Variants in PTPRD observed in about 807,000 individuals in gnomAD.
The protein encoded by PTPRD is protein tyrosine phosphatase receptor type D.
A neutral mutation model predicts 214.5 loss-of-function variants in PTPRD; 34 were observed. That is an observed-to-expected ratio of 0.16 (90% CI 0.12 to 0.21). The LOEUF is 0.21. Among genes scored for constraint, PTPRD ranks in the 10% least tolerant of loss-of-function variants. PTPRD has a pLI of 1.00. For synonymous variants in PTPRD, 1,128 were observed against 845.7 expected (o/e 1.33, Z -5.79); for missense variants, 2,545 against 2,398.7 (o/e 1.06, Z -1.27).
intron 43 of PTPRD, among the ~76,000 whole-genome samples, chr9:8,336,881 A>C (rs1167453144): frequency 6.6e-6 from 1 of 152,222 alleles, no homozygotes; most frequent in Admixed American, 6.5e-5. Flanking sequence ...AGAAATGCAA[A>C]TCAAAACCAC....
intron 10 of PTPRD, among the ~76,000 whole-genome samples, chr9:9,134,222 G>A (rs1239277387): frequency 2.7e-5 from 4 of 147,880 alleles, no homozygotes; most frequent in Non-Finnish European, 4.4e-5. Flanking sequence ...ACAGGTGCCC[G>A]CCACCACGCC....
At chr9:8,432,861 T>C (rs1453639045) in intron 35 of PTPRD, among the ~76,000 whole-genome samples, 1 of 152,210 alleles carries the variant, frequency 6.6e-6, no homozygotes, top group Non-Finnish European at 1.5e-5. Context: ...GTGAAGAGTC[T>C]ATGTGGGCTA....
intron 10 of PTPRD, among the ~76,000 whole-genome samples, chr9:9,102,813 CTT>C (rs2099793170): frequency 6.6e-6 from 1 of 152,016 alleles, no homozygotes; most frequent in Non-Finnish European, 1.5e-5. Context: ...AAACATGACA[CTT>C]GGGAAAAAAT....
intron 9 of PTPRD, among the ~76,000 whole-genome samples, chr9:9,394,549 T>C (rs1266396469): frequency 2.0e-5 from 3 of 152,138 alleles, no homozygotes; most frequent in African/African-American, 7.2e-5. Flanking sequence ...TGCCCCAGTT[T>C]TCTTATATGT....
chr9:8,647,789 T>C (rs930475152), intron 12 of PTPRD, among the ~76,000 whole-genome samples: 2 of 152,252 alleles, frequency 1.3e-5, no homozygotes, highest in African/African-American at 4.8e-5. Context: ...AGCTATAACT[T>C]AATACTTTAT....
At chr9:10,314,039 T>G (rs796770154) in intron 3 of PTPRD, among the ~76,000 whole-genome samples, 4 of 152,054 alleles carry the variant, frequency 2.6e-5, no homozygotes, top group African/African-American at 9.6e-5. Context: ...TAACAGAAGC[T>G]TATAAGTGAG....
At chr9:9,804,610 A>G (rs1264505803) in intron 5 of PTPRD, among the ~76,000 whole-genome samples, 2 of 152,062 alleles carry the variant, frequency 1.3e-5, no homozygotes, top group African/African-American at 4.8e-5. Flanking sequence ...ATAAATTTTT[A>G]CTGAATTCAT....
At chr9:8,794,134 CT>C (rs1162268936) in intron 11 of PTPRD, among the ~76,000 whole-genome samples, 3 of 126,962 alleles carry the variant, frequency 2.4e-5, no homozygotes, top group African/African-American at 8.4e-5. Flanking sequence ...TTTTTTCCCC[CT>C]GTATTTGTGG....
At chr9:10,174,207 A>G (rs906758450) in intron 3 of PTPRD, among the ~76,000 whole-genome samples, 13 of 152,288 alleles carry the variant, frequency 8.5e-5, no homozygotes, top group African/African-American at 1.4e-4. Flanking sequence ...TTTGATCCCA[A>G]TGTTGGAGGT....
intron 8 of PTPRD, among the ~76,000 whole-genome samples, chr9:9,555,342 G>A (rs2081264601): frequency 6.6e-6 from 1 of 151,952 alleles, no homozygotes; most frequent in South Asian, 2.1e-4. Flanking sequence ...GTCACCTGTT[G>A]AGCAACATCA....
At position 10,094,586 on chromosome 9, in the gene PTPRD, A is replaced by T. The variant is rs141985484; in HGVS notation, c.-544-60796T>A. On this transcript the variant is annotated intron_variant, in intron 3 of 45. Coordinates refer to ENST00000381196, the MANE Select transcript of PTPRD (RefSeq NM_002839.4). Reference sequence around the variant, plus strand: ...ATGGGGCAGAGTAACTGTTCAGAGAAACCCGTTATCTTATTTCCCATTTCG... The same window carrying T: ...ATGGGGCAGAGTAACTGTTCAGAGATACCCGTTATCTTATTTCCCATTTCG... Among the ~76,000 whole-genome samples the T allele has an allele frequency of 4.1e-3, 619 of 149,504 alleles. 6 individuals are homozygous for T. Among genetic ancestry groups the T allele is most frequent in the African/African-American group, 0.015 (594 of 40,798 alleles).
At chr9:10,367,101 G>A (rs538639990) in intron 2 of PTPRD, among the ~76,000 whole-genome samples, 1 of 149,914 alleles carries the variant, frequency 6.7e-6, no homozygotes, top group African/African-American at 2.5e-5. Flanking sequence ...AAAAGGACCT[G>A]TGCCTTATAT....
chr9:9,514,464 A>T (rs1269329880), intron 8 of PTPRD, among the ~76,000 whole-genome samples: 1 of 152,068 alleles, frequency 6.6e-6, no homozygotes, highest in Non-Finnish European at 1.5e-5. Flanking sequence ...ACACACTGTA[A>T]TTACATTGTT....
intron 2 of PTPRD, among the ~76,000 whole-genome samples, chr9:10,389,011 T>G (rs181853711): frequency 3.3e-5 from 5 of 151,824 alleles, no homozygotes; most frequent in Non-Finnish European, 4.4e-5. Context: ...TTATAAGAGA[T>G]CCCATTGGAG....
At chr9:9,389,260 C>T (rs1234543022) in intron 9 of PTPRD, among the ~76,000 whole-genome samples, 1 of 152,162 alleles carries the variant, frequency 6.6e-6, no homozygotes, top group African/African-American at 2.4e-5. Flanking sequence ...CCTGTAATTC[C>T]ACCACCTTGG....
chr9:10,279,054 C>G (rs552238242), intron 3 of PTPRD, among the ~76,000 whole-genome samples: 74 of 152,142 alleles, frequency 4.9e-4, no homozygotes, highest in South Asian at 3.9e-3. Context: ...GCTCACAGGC[C>G]TGAGCCACCG....
At chr9:10,178,263 A>T (rs2099261073) in intron 3 of PTPRD, among the ~76,000 whole-genome samples, 1 of 151,922 alleles carries the variant, frequency 6.6e-6, no homozygotes, top group Non-Finnish European at 1.5e-5. Context: ...ACTCACTTAG[A>T]GGTATAAAAT....
intron 9 of PTPRD, among the ~76,000 whole-genome samples, chr9:9,233,247 G>C (rs1160688667): frequency 2.6e-5 from 4 of 152,156 alleles, no homozygotes; most frequent in African/African-American, 9.7e-5. Context: ...GAGAGAATGA[G>C]TGCCAAGCAA....
intron 14 of PTPRD, among the ~76,000 whole-genome samples, chr9:8,584,958 C>T (rs10977222): frequency 0.11 from 16,043 of 152,148 alleles, 973 homozygotes; most frequent in East Asian, 0.2. Flanking sequence ...AGACCTCATT[C>T]ACTATCATGA....
Sources: gnomAD v4.1 joint callset for allele counts (sites outside exome capture counted in the v4.1 genomes callset) on GRCh38, gnomAD v4.1.1 for gene constraint, MANE v1.5 for transcripts, NCBI Gene and HGNC (gene_info 2026-07-23, HGNC 2026-07-21) for gene names.